The following GK variants were observed in gnomAD, a reference collection of about 807,000 sequenced individuals.
GK encodes glycerol kinase, also known as ATP:glycerol 3-phosphotransferase.
Under a neutral mutation model 56.4 loss-of-function variants are expected in GK, and 9 were observed. That is an observed-to-expected ratio of 0.16 (90% CI 0.10 to 0.28). The LOEUF is 0.28. Ranked by LOEUF, GK falls within the 10% of genes least tolerant of loss-of-function variation. The pLI, the probability that GK is intolerant of heterozygous loss-of-function variation, is 1.00. For missense variants in GK, 161 were observed against 431.4 expected (o/e 0.37, Z 5.55); for synonymous variants, 104 against 144.1 (o/e 0.72, Z 1.99).
chrX:30,678,573 T>A (rs1337073288), intron 4 of GK, among the ~76,000 whole-genome samples: 2 of 111,437 alleles, frequency 1.8e-5, no homozygotes, highest in Non-Finnish European at 3.8e-5. Context: ...TAAGAAAGTA[T>A]TTAGTATGTT....
At chrX:30,684,707 G>A (rs1934495897) in intron 4 of GK, among the ~76,000 whole-genome samples, 1 of 102,927 alleles carries the variant, frequency 9.7e-6, no homozygotes, top group Admixed American at 1.1e-4. Context: ...ATTCACAGTA[G>A]GGACTAATCC....
intron 13 of GK, among the ~76,000 whole-genome samples, chrX:30,718,117 T>C (rs1227604344): frequency 1.8e-5 from 2 of 112,282 alleles, no homozygotes; most frequent in African/African-American, 6.5e-5. Flanking sequence ...TTTTGTTTTC[T>C]TGATTTACTA....
At chrX:30,663,253 C>A (rs922767530) in intron 1 of GK, among the ~76,000 whole-genome samples, 2 of 110,547 alleles carry the variant, frequency 1.8e-5, no homozygotes, top group Admixed American at 1.9e-4. Flanking sequence ...ATAACAGTAA[C>A]ACAGCTGGAA....
rs777742863 is a variant in GK, at chrX:30,668,111, C to T, written c.252C>T (p.Asn84=). 6 of 966,932 alleles carry T rather than the reference C, an allele frequency of 6.2e-6. No homozygotes were observed. In the Admixed American group the frequency reaches 1.3e-4, roughly 21 times the overall value. 79.7% of individuals were successfully genotyped at this position (966,932 alleles called of 1,213,427 possible). Residue 84 remains asparagine (N), a synonymous_variant, in exon 3 of 21, where the codon AAC becomes AAT. Coordinates refer to ENST00000427190, the MANE Select transcript of GK (RefSeq NM_001205019.2). ...GACAGCTCAATATTGATATTTCCAA[C>T]ATAAAAGGTATTTTAGTAGAATATT... ...KLGQLNIDIS[N]IKAIGVSNQR...
chrX:30,712,717 CTTTTTTTTTT>C (rs769269247), intron 13 of GK, among the ~76,000 whole-genome samples: 1 of 48,438 alleles, frequency 2.1e-5, no homozygotes, highest in African/African-American at 9.7e-5. Flanking sequence ...TTTTTCTTTT[CTTTTTTTTTT>C]TTTTTTTTTT....
chrX:30,691,545 T>A (rs1016755242), intron 5 of GK, among the ~76,000 whole-genome samples: 5 of 100,842 alleles, frequency 5.0e-5, no homozygotes, highest in African/African-American at 1.8e-4. Context: ...TGATCTCGGC[T>A]CACCGCAGCC....
chrX:30,665,320 A>T (rs1932999233), intron 1 of GK, among the ~76,000 whole-genome samples, 191 bp from the exon 2 acceptor site: 1 of 112,082 alleles, frequency 8.9e-6, no homozygotes, highest in Admixed American at 9.6e-5. Flanking sequence ...TTTTACCTAA[A>T]GAGAAGTTAT....
intron 2 of GK, among the ~76,000 whole-genome samples, chrX:30,666,241 C>G (rs1459011879): frequency 9.0e-6 from 1 of 111,693 alleles, no homozygotes; most frequent in South Asian, 3.7e-4. Flanking sequence ...TGGAAACCAC[C>G]CAAATGTCTG....
Position 30,721,392 on chromosome X carries a change from T to C in GK, c.1501+397T>C, listed in dbSNP as rs1283556863. On this transcript the variant is annotated intron_variant, in intron 18 of 20. Transcript: ENST00000427190. ...CTGCAAGCTCCGCCTCCCGGGTTCA[T>C]GCCATTCTCCCGCCTCAGCCTCCCG... Among the ~76,000 whole-genome samples, 11 of 107,892 alleles carry C rather than the reference T, an allele frequency of 1.0e-4. No homozygotes were observed. In the Middle Eastern group the frequency reaches 0.025, roughly 242 times the overall value. The allele number at this position is 107,892 out of a possible 115,157, so 93.7% of individuals were successfully genotyped here.
chrX:30,715,188 C>T (rs779672387), intron 13 of GK, among the ~76,000 whole-genome samples: 1 of 112,101 alleles, frequency 8.9e-6, no homozygotes, highest in African/African-American at 3.2e-5. Context: ...TACAATTCTA[C>T]TGCATCCTGA....
At chrX:30,697,522 A>C (rs1395200824) in intron 8 of GK, among the ~76,000 whole-genome samples, 1 of 111,673 alleles carries the variant, frequency 9.0e-6, no homozygotes, top group Non-Finnish European at 1.9e-5. Flanking sequence ...GAATTTCTTA[A>C]GGAAGCCATA....
At chrX:30,664,885 A>G (rs1932971676) in intron 1 of GK, among the ~76,000 whole-genome samples, 1 of 108,713 alleles carries the variant, frequency 9.2e-6, no homozygotes, top group African/African-American at 3.4e-5. Context: ...TTGTGTTTTT[A>G]GTAGAGATGG....
intron 9 of GK, among the ~76,000 whole-genome samples, chrX:30,699,788 TCC>T (rs1434220848): frequency 2.7e-5 from 3 of 111,571 alleles, no homozygotes; most frequent in Non-Finnish European, 5.6e-5. Context: ...TCATTTTTCT[TCC>T]TAGAATGCTG....
intron 3 of GK, among the ~76,000 whole-genome samples, chrX:30,673,061 A>G (rs1207220558): frequency 2.7e-5 from 3 of 112,177 alleles, no homozygotes. Context: ...TTTCTAAGGT[A>G]TATTTTCTTA....
chrX:30,696,478 G>T, intron 7 of GK, 139 bp from the exon 8 acceptor site: 3 of 491,273 alleles, frequency 6.1e-6, no homozygotes. Flanking sequence ...GTTGGCTTAC[G>T]TATTTATTGC....
chrX:30,670,931 C>T (rs965302110), intron 3 of GK, among the ~76,000 whole-genome samples: 3 of 108,751 alleles, frequency 2.8e-5, no homozygotes, highest in Non-Finnish European at 5.7e-5. Context: ...TGTGGTGAGC[C>T]GAGATTGCCC....
intron 1 of GK, among the ~76,000 whole-genome samples, chrX:30,654,836 G>A (rs1028926360): frequency 8.9e-6 from 1 of 112,694 alleles, no homozygotes; most frequent in Non-Finnish European, 1.9e-5. Flanking sequence ...AACTTGGCAA[G>A]TTGATGTAAA....
intron 4 of GK, chrX:30,677,877 A>G: frequency 8.3e-6 from 4 of 481,833 alleles, no homozygotes; most frequent in East Asian, 3.7e-5. Flanking sequence ...GGTACCTATA[A>G]TCTTGATGGG....
At chrX:30,670,589 A>T (rs1482263666) in intron 3 of GK, among the ~76,000 whole-genome samples, 1 of 102,195 alleles carries the variant, frequency 9.8e-6, no homozygotes, top group East Asian at 3.1e-4. Context: ...ATACCAGGCC[A>T]GTTGTACTAT....
Sources: gnomAD v4.1 joint callset for allele counts (sites outside exome capture counted in the v4.1 genomes callset) on GRCh38, gnomAD v4.1.1 for gene constraint, MANE v1.5 for transcripts, NCBI Gene and HGNC (gene_info 2026-07-23, HGNC 2026-07-21) for gene names.